SMCHD1: variants seen among roughly 807,000 people sequenced by gnomAD.
SMCHD1 encodes the protein structural maintenance of chromosomes flexible hinge domain containing 1.
In SMCHD1, 78 loss-of-function variants were observed where a neutral mutation model predicts 254.7. The ratio of observed to expected loss-of-function variants is 0.31; its 90% confidence interval spans 0.26 to 0.37. The LOEUF (loss-of-function observed/expected upper bound fraction) is 0.37. Ranked by LOEUF, SMCHD1 falls within the 10% of genes least tolerant of loss-of-function variation. SMCHD1 has a pLI of 1.00. For missense variants in SMCHD1, 1,840 were observed against 2,408.1 expected (o/e 0.76, Z 4.94); for synonymous variants, 766 against 794.9 (o/e 0.96, Z 0.61).
chr18:2,662,326 C>T (rs1277980463), intron 1 of SMCHD1, among the ~76,000 whole-genome samples: 2 of 151,512 alleles, frequency 1.3e-5, no homozygotes, highest in African/African-American at 4.9e-5. Context: ...TCAGTAACTA[C>T]AGGATGCATA....
In SMCHD1 at chr18:2,676,862, G is replaced by A. The variant is rs764111668; in HGVS notation, c.638+2717G>A. ...TTCACTCCCAAATACTGTAGCATGT[G>A]TATTCTGAGGACAAGCGGATTCTCA... On this transcript the variant is annotated intron_variant, in intron 5 of 47. Coordinates refer to ENST00000320876, the MANE Select transcript of SMCHD1 (RefSeq NM_015295.3). Among the ~76,000 whole-genome samples, 55 of 152,342 alleles carry A rather than the reference G, an allele frequency of 3.6e-4. 1 individual carries two copies. The highest frequency in any genetic ancestry group is 6.8e-3 in the Middle Eastern group (2 of 294).
rs1419162380 is a variant in SMCHD1, at chr18:2,705,689, A to G, written c.1843-5A>G. 2.2e-6 allele frequency: 3 copies of G among 1,386,038 alleles called. No individual in the cohort carries two copies. The highest frequency in any genetic ancestry group is 2.3e-5 in the East Asian group (1 of 42,884). The allele number at this position is 1,386,038 out of a possible 1,614,324, so 85.9% of individuals were successfully genotyped here. ...CTTTTTTTTTTTTTAAAAACTAAATATTAGGTCAAGACAATCAAGACACTT... is the reference window on the plus strand; with the variant it reads ...CTTTTTTTTTTTTTAAAAACTAAATGTTAGGTCAAGACAATCAAGACACTT... On this transcript the variant is annotated splice_region_variant and splice_polypyrimidine_tract_variant and intron_variant, in intron 13 of 47. Coordinates refer to ENST00000320876, the MANE Select transcript of SMCHD1 (RefSeq NM_015295.3).
intron 35 of SMCHD1, 33 bp from the exon 36 acceptor site, chr18:2,762,072 T>C: frequency 6.3e-7 from 1 of 1,598,334 alleles, no homozygotes; most frequent in Non-Finnish European, 8.6e-7. Flanking sequence ...CATCAATATA[T>C]TGTTAATCAG....
chr18:2,719,279 C>T (rs945188327), intron 19 of SMCHD1, among the ~76,000 whole-genome samples: 4 of 149,824 alleles, frequency 2.7e-5, no homozygotes, highest in Middle Eastern at 3.2e-3. Context: ...CCTCTCTCCC[C>T]TCTCCCCTCT....
At chr18:2,659,352 AGGT>A (rs2073175747) in intron 1 of SMCHD1, among the ~76,000 whole-genome samples, 1 of 152,220 alleles carries the variant, frequency 6.6e-6, no homozygotes, top group Non-Finnish European at 1.5e-5. Flanking sequence ...TCCTGACCTC[AGGT>A]GGTCCACCTG....
chr18:2,749,939 C>A, intron 30 of SMCHD1, 104 bp from the exon 31 acceptor site: 1 of 1,014,332 alleles, frequency 9.9e-7, no homozygotes, highest in Non-Finnish European at 1.4e-6. Flanking sequence ...GCAAATACTG[C>A]TTTTAAAATA....
intron 7 of SMCHD1, among the ~76,000 whole-genome samples, chr18:2,690,576 A>AC: frequency 6.9e-6 from 1 of 144,252 alleles, no homozygotes; most frequent in Non-Finnish European, 1.6e-5. Flanking sequence ...GGTTGAAGCA[A>AC]TTCCCCTGCT....
chr18:2,678,824 T>G (rs1319188075), intron 5 of SMCHD1, among the ~76,000 whole-genome samples: 1 of 9,498 alleles, frequency 1.1e-4, no homozygotes, highest in African/African-American at 1.1e-4. Context: ...CGTTTTTTGT[T>G]TTTTTTTTTT....
At chr18:2,735,762 G>A (rs1002167372) in intron 25 of SMCHD1, among the ~76,000 whole-genome samples, 1 of 152,122 alleles carries the variant, frequency 6.6e-6, no homozygotes, top group African/African-American at 2.4e-5. Flanking sequence ...ACTACTGAAA[G>A]AAATCATAGA....
At chr18:2,739,649 C>A in intron 27 of SMCHD1, 129 bp downstream of exon 27, 1 of 637,862 alleles carries the variant, frequency 1.6e-6, no homozygotes, top group Non-Finnish European at 2.7e-6. Context: ...GATATAAAAT[C>A]TATTGTCAGA....
chr18:2,711,257 T>C (rs1047124272), intron 17 of SMCHD1, among the ~76,000 whole-genome samples: 1 of 141,590 alleles, frequency 7.1e-6, no homozygotes, highest in African/African-American at 2.7e-5. Context: ...TGAGCCACCA[T>C]GGCTCCCTTT....
intron 46 of SMCHD1, 67 bp downstream of exon 46, chr18:2,796,174 A>G: frequency 7.6e-7 from 1 of 1,310,400 alleles, no homozygotes; most frequent in Non-Finnish European, 1.0e-6. Flanking sequence ...GATGAGAGAG[A>G]ATCCAACCGT....
intron 20 of SMCHD1, among the ~76,000 whole-genome samples, chr18:2,723,561 G>A (rs1298852254): frequency 6.6e-6 from 1 of 152,138 alleles, no homozygotes; most frequent in Non-Finnish European, 1.5e-5. Context: ...GCAGGGAATA[G>A]TTTGGTTCCA....
chr18:2,795,542 T>A (rs1248780586), intron 45 of SMCHD1, among the ~76,000 whole-genome samples: 3 of 152,218 alleles, frequency 2.0e-5, no homozygotes, highest in Admixed American at 6.5e-5. Context: ...TCATCAGTTT[T>A]CATTTGGGAA....
At chr18:2,782,266 AGT>A (rs764931381) in intron 44 of SMCHD1, among the ~76,000 whole-genome samples, 2 of 152,138 alleles carry the variant, frequency 1.3e-5, no homozygotes, top group East Asian at 3.9e-4. Flanking sequence ...TTGTCCTAAT[AGT>A]GTACTTAGTG....
intron 19 of SMCHD1, among the ~76,000 whole-genome samples, chr18:2,719,176 A>T (rs2074868206): frequency 6.6e-6 from 1 of 150,392 alleles, no homozygotes; most frequent in Admixed American, 6.6e-5. Flanking sequence ...TTCTTGAATC[A>T]CTTTGATTTT....
intron 36 of SMCHD1, among the ~76,000 whole-genome samples, chr18:2,762,452 G>GAATT (rs1252320655): frequency 6.7e-6 from 1 of 150,168 alleles, no homozygotes; most frequent in Non-Finnish European, 1.5e-5. Context: ...AGAATAATAA[G>GAATT]CAGAACTGAC....
At position 2,732,408 on chromosome 18, in the gene SMCHD1, T is replaced by C; in HGVS notation, c.3192T>C (p.Asp1064=). The C allele has an allele frequency of 6.2e-7, 1 of 1,613,406 alleles. No homozygotes were observed. The highest frequency in any genetic ancestry group is 8.5e-7 in the Non-Finnish European group (1 of 1,179,664). ...HQDEVNWIAG[D]IMHNLIFQMY... is the part of the protein sequence containing the mutation. ...ATGAGGTTAATTGGATAGCGGGTGA[T>C]ATTATGCATAATCTTATTTTTCAAA... Residue 1064 remains aspartate, a synonymous_variant, in exon 25 of 48, where the codon GAT becomes GAC. Coordinates refer to ENST00000320876, the MANE Select transcript of SMCHD1 (RefSeq NM_015295.3).
intron 44 of SMCHD1, chr18:2,779,188 T>C (rs930894425): frequency 8.3e-5 from 11 of 132,920 alleles, no homozygotes; most frequent in Non-Finnish European, 1.8e-4. Context: ...ATTGTAAGTT[T>C]AAACAACAAC....
Sources: allele counts gnomAD v4.1 joint callset (sites outside exome capture counted in the v4.1 genomes callset), GRCh38; gene constraint gnomAD v4.1.1; transcripts MANE v1.5; gene names NCBI Gene and HGNC (gene_info 2026-07-23, HGNC 2026-07-21).